The following TRAPPC3L variants were observed in gnomAD, a reference collection of about 807,000 sequenced individuals.
The protein encoded by TRAPPC3L is trafficking protein particle complex subunit 3-like protein.
In TRAPPC3L, 23 loss-of-function variants were observed where a neutral mutation model predicts 23.7. The observed-to-expected ratio is 0.97, with a 90% CI of 0.70 to 1.37. The LOEUF (loss-of-function observed/expected upper bound fraction) is 1.37. Ranked by LOEUF, TRAPPC3L falls within the 40% of genes most tolerant of loss-of-function variation. TRAPPC3L has a pLI of 0.00. For synonymous variants in TRAPPC3L, 81 were observed against 77.9 expected (o/e 1.04, Z -0.21); for missense variants, 212 against 216.8 (o/e 0.98, Z 0.14).
chr6:116,497,604 T>C (rs985263225), intron 4 of TRAPPC3L, among the ~76,000 whole-genome samples: 1 of 152,146 alleles, frequency 6.6e-6, no homozygotes, highest in Non-Finnish European at 1.5e-5. Context: ...AAATTAAAGA[T>C]TGAATTTACA....
intron 3 of TRAPPC3L, chr6:116,516,122 G>T: frequency 8.1e-7 from 1 of 1,234,074 alleles, no homozygotes; most frequent in Non-Finnish European, 1.1e-6. Flanking sequence ...ATAACACAAA[G>T]GAAACTGCTT....
chr6:116,533,930 GC>G (rs1772908570), intron 3 of TRAPPC3L, among the ~76,000 whole-genome samples: 1 of 152,140 alleles, frequency 6.6e-6, no homozygotes, highest in Admixed American at 6.5e-5. Context: ...GCAAGGTTTA[GC>G]CCATTGTTCC....
rs1270053006 is a variant in TRAPPC3L, at chr6:116,521,515, A to AGG, written c.240+18846_240+18847dup. On this transcript the variant is annotated intron_variant, in intron 3 of 4. Coordinates refer to ENST00000368602, the MANE Select transcript of TRAPPC3L (RefSeq NM_001139444.3). ...GGTGACCCAACTCGAGTGGAGAGAG[A>AGG]GGGAGAGAGAGAGAGACAGAGAGCA... 2.4e-5 allele frequency: 3 copies of AGG among 124,742 alleles called. No individual in the cohort carries two copies. The East Asian group carries it at 8.1e-4, about 34-fold the overall frequency. 7.7% of individuals were successfully genotyped at this position (124,742 alleles called of 1,614,324 possible).
intron 2 of TRAPPC3L, among the ~76,000 whole-genome samples, chr6:116,542,695 G>T (rs1468152648): frequency 6.6e-6 from 1 of 152,094 alleles, no homozygotes; most frequent in African/African-American, 2.4e-5. Context: ...AAGACAAAGA[G>T]AATGGGTCTC....
At chr6:116,515,117 G>A (rs1040552511) in intron 3 of TRAPPC3L, among the ~76,000 whole-genome samples, 4 of 152,080 alleles carry the variant, frequency 2.6e-5, no homozygotes, top group East Asian at 1.9e-4. Context: ...TGATTGTATC[G>A]TCTGTCTCCC....
At chr6:116,512,630 A>T (rs1331760320) in intron 3 of TRAPPC3L, among the ~76,000 whole-genome samples, 1 of 152,220 alleles carries the variant, frequency 6.6e-6, no homozygotes, top group Non-Finnish European at 1.5e-5. Flanking sequence ...TGTTTTCTCA[A>T]ACACACACAT....
At chr6:116,540,175 A>G (rs1235217234) in intron 3 of TRAPPC3L, among the ~76,000 whole-genome samples, 188 bp downstream of exon 3, 1 of 152,166 alleles carries the variant, frequency 6.6e-6, no homozygotes, top group Non-Finnish European at 1.5e-5. Context: ...AGTTGCTTAA[A>G]TGCATCTTTC....
Position 116,545,416 on chromosome 6 carries a change from CA to C in TRAPPC3L, c.42+56del, listed in dbSNP as rs924211010. 4.9e-6 allele frequency: 7 copies of C among 1,434,454 alleles called. No homozygotes were observed. In the African/African-American group the frequency reaches 1.0e-4, roughly 21 times the overall value. The allele number at this position is 1,434,454 out of a possible 1,614,324, so 88.9% of individuals were successfully genotyped here. A position where few individuals can be genotyped will look rare whatever the true frequency, so the allele number is the denominator to read the frequency against. ...TCAGTTTTTAAAATCAATCAGAAAT[CA>C]CTCAAGAAAACATTTTCTCTGAAGT... is the stretch of plus-strand genomic sequence containing the variant. On this transcript the variant is annotated intron_variant, in intron 1 of 4. Transcript: ENST00000368602.
At chr6:116,510,687 A>G (rs1425404413) in intron 3 of TRAPPC3L, among the ~76,000 whole-genome samples, 2 of 152,082 alleles carry the variant, frequency 1.3e-5, no homozygotes, top group Non-Finnish European at 2.9e-5. Flanking sequence ...AGAAGTCATT[A>G]TATATTAAAA....
chr6:116,517,230 C>G (rs559932921), intron 3 of TRAPPC3L: 1 of 152,204 alleles, frequency 6.6e-6, no homozygotes, highest in African/African-American at 2.4e-5. Flanking sequence ...GGGGGAGACA[C>G]AAACATTCAG....
intron 3 of TRAPPC3L, among the ~76,000 whole-genome samples, chr6:116,540,108 T>G (rs1773345935): frequency 6.6e-6 from 1 of 152,200 alleles, no homozygotes; most frequent in Non-Finnish European, 1.5e-5. Flanking sequence ...CTTCTGAAAA[T>G]GCTTTTTCCA....
intron 3 of TRAPPC3L, chr6:116,516,235 G>T (rs1202615536): frequency 2.7e-6 from 1 of 376,444 alleles, no homozygotes; most frequent in Non-Finnish European, 4.7e-6. Context: ...CCTAAATGTT[G>T]CTCCAAGATC....
At chr6:116,541,590 GGATA>G (rs1184349135) in intron 2 of TRAPPC3L, among the ~76,000 whole-genome samples, 3 of 152,158 alleles carry the variant, frequency 2.0e-5, no homozygotes, top group Non-Finnish European at 2.9e-5. Flanking sequence ...ATTTCTGAGT[GGATA>G]GAAATATTCA....
At chr6:116,530,070 G>C (rs964764242) in intron 3 of TRAPPC3L, among the ~76,000 whole-genome samples, 1 of 152,044 alleles carries the variant, frequency 6.6e-6, no homozygotes, top group Non-Finnish European at 1.5e-5. Flanking sequence ...ATTACATCTA[G>C]ACTTAGACCC....
chr6:116,512,677 G>T (rs1367142231), intron 3 of TRAPPC3L, among the ~76,000 whole-genome samples: 1 of 152,188 alleles, frequency 6.6e-6, no homozygotes, highest in Non-Finnish European at 1.5e-5. Context: ...TGAATGAAAT[G>T]AGTTATTACT....
intron 3 of TRAPPC3L, among the ~76,000 whole-genome samples, chr6:116,538,125 T>G (rs1773208661): frequency 6.6e-6 from 1 of 152,202 alleles, no homozygotes; most frequent in Non-Finnish European, 1.5e-5. Flanking sequence ...TTTGTTCCCT[T>G]ATGTTCTTCT....
intron 3 of TRAPPC3L, chr6:116,520,085 C>T (rs1772303156): frequency 6.6e-6 from 1 of 152,044 alleles, no homozygotes; most frequent in Middle Eastern, 3.2e-3. Context: ...GTATGGTTTT[C>T]TACTTGAGAC....
rs1405522599 is a variant in TRAPPC3L, at chr6:116,495,101, C to G, written c.*1853G>C. On this transcript the variant is annotated 3_prime_UTR_variant, in exon 5 of 5. Coordinates refer to ENST00000368602, the MANE Select transcript of TRAPPC3L (RefSeq NM_001139444.3). ...TACAGGCTTGTGCCACCATGCCCGA[C>G]CCAGATCTTATTCATTCTATCTAAC... The G allele has an allele frequency of 3.4e-4, 51 of 148,244 alleles. 1 individual carries two copies. In the Admixed American group the frequency reaches 3.5e-3, roughly 10 times the overall value. 9.2% of individuals were successfully genotyped at this position (148,244 alleles called of 1,614,324 possible).
At chr6:116,511,144 T>C (rs546045527) in intron 3 of TRAPPC3L, among the ~76,000 whole-genome samples, 3 of 146,748 alleles carry the variant, frequency 2.0e-5, no homozygotes, top group South Asian at 4.2e-4. Context: ...GTATATTTCA[T>C]CCATGTAACC....
Sources: allele counts gnomAD v4.1 joint callset (sites outside exome capture counted in the v4.1 genomes callset), GRCh38; gene constraint gnomAD v4.1.1; transcripts MANE v1.5; gene names NCBI Gene and HGNC (gene_info 2026-07-23, HGNC 2026-07-21).